SFMBT2: variants seen among roughly 807,000 people sequenced by gnomAD.
SFMBT2 encodes Scm like with four mbt domains 2.
A neutral mutation model predicts 110.1 loss-of-function variants in SFMBT2; 38 were observed. That is an observed-to-expected ratio of 0.35 (90% CI 0.27 to 0.45). The LOEUF is 0.45. SFMBT2 is among the 20% of genes least tolerant of loss of function. SFMBT2 has a pLI of 1.00. For missense variants in SFMBT2, 1,011 were observed against 1,094.9 expected (o/e 0.92, Z 1.08); for synonymous variants, 425 against 425.4 (o/e 1.00, Z 0.01).
intron 6 of SFMBT2, among the ~76,000 whole-genome samples, chr10:7,279,054 T>C (rs1478911775): frequency 6.6e-6 from 1 of 151,400 alleles, no homozygotes; most frequent in African/African-American, 2.4e-5. Context: ...TGAGCTGAGA[T>C]TGTGCCACTG....
At chr10:7,314,618 C>G (rs952205808) in intron 4 of SFMBT2, among the ~76,000 whole-genome samples, 1 of 152,118 alleles carries the variant, frequency 6.6e-6, no homozygotes, top group Admixed American at 6.6e-5. Context: ...GCATAAAAAA[C>G]CAGACCCGGC....
intron 11 of SFMBT2, among the ~76,000 whole-genome samples, chr10:7,213,413 G>A (rs895189915): frequency 1.3e-5 from 2 of 152,136 alleles, no homozygotes; most frequent in African/African-American, 4.8e-5. Context: ...GTGCAATGTG[G>A]GGGCCAGAAG....
At chr10:7,271,291 C>CAAAA (rs56364927) in intron 7 of SFMBT2, among the ~76,000 whole-genome samples, 8,137 of 93,096 alleles carry the variant, frequency 0.087, 242 homozygotes, top group Non-Finnish European at 0.12. Flanking sequence ...AGATTGCCTC[C>CAAAA]AAAAAAAAAA....
intron 4 of SFMBT2, among the ~76,000 whole-genome samples, chr10:7,343,032 C>A (rs927687004): frequency 2.6e-5 from 4 of 152,166 alleles, no homozygotes; most frequent in African/African-American, 9.7e-5. Flanking sequence ...TCCTTACTTT[C>A]TTTCCACCAT....
At chr10:7,389,757 G>A (rs1564471667) in intron 1 of SFMBT2, among the ~76,000 whole-genome samples, 1 of 152,204 alleles carries the variant, frequency 6.6e-6, no homozygotes, top group Non-Finnish European at 1.5e-5. Context: ...AAAGCTTGAT[G>A]AGATGCAATC....
chr10:7,241,223 A>G (rs1199091488), intron 9 of SFMBT2: 1 of 604,274 alleles, frequency 1.7e-6, no homozygotes, highest in Non-Finnish European at 2.1e-6. Flanking sequence ...CTGTAAGTCC[A>G]TTAAACCCCT....
intron 4 of SFMBT2, among the ~76,000 whole-genome samples, chr10:7,290,161 C>T (rs1373196011): frequency 1.3e-5 from 2 of 151,910 alleles, no homozygotes; most frequent in Admixed American, 1.3e-4. Flanking sequence ...GGGAGAAAAA[C>T]ACTCTGCAAT....
intron 16 of SFMBT2, among the ~76,000 whole-genome samples, chr10:7,176,812 T>C (rs1838072148): frequency 6.6e-6 from 1 of 152,044 alleles, no homozygotes; most frequent in Non-Finnish European, 1.5e-5. Context: ...GATTGGGACC[T>C]GGAAACCGAG....
At chr10:7,312,142 G>T (rs1842874964) in intron 4 of SFMBT2, among the ~76,000 whole-genome samples, 1 of 151,984 alleles carries the variant, frequency 6.6e-6, no homozygotes, top group African/African-American at 2.4e-5. Context: ...TGAGTTAATG[G>T]GTGCAGCACA....
In SFMBT2 at chr10:7,162,232, T is replaced by C. The variant is rs1216165299; in HGVS notation, c.*1538A>G. 1 of 152,226 alleles carries C rather than the reference T, an allele frequency of 6.6e-6. No homozygotes were observed. The highest frequency in any genetic ancestry group is 2.4e-5 in the African/African-American group (1 of 41,450). 9.4% of individuals were successfully genotyped at this position (152,226 alleles called of 1,614,324 possible). A position where few individuals can be genotyped will look rare whatever the true frequency, so the allele number is the denominator to read the frequency against. On this transcript the variant is annotated 3_prime_UTR_variant, in exon 21 of 21. Coordinates refer to ENST00000397167, the MANE Select transcript of SFMBT2 (RefSeq NM_001387889.1). Reference sequence around the variant, plus strand: ...TCAAAGCCAGAAAGAGCTGTAAGAATGGCCGAGTCAGAACTGGGACCAGAC... The same window carrying C: ...TCAAAGCCAGAAAGAGCTGTAAGAACGGCCGAGTCAGAACTGGGACCAGAC...
chr10:7,265,362 C>T (rs1375253418), intron 7 of SFMBT2, among the ~76,000 whole-genome samples: 2 of 152,008 alleles, frequency 1.3e-5, no homozygotes, highest in African/African-American at 2.4e-5. Flanking sequence ...CCACCACGCC[C>T]GACTAATTTT....
intron 2 of SFMBT2, among the ~76,000 whole-genome samples, chr10:7,381,341 A>G (rs1845415929): frequency 6.6e-6 from 1 of 152,156 alleles, no homozygotes; most frequent in Admixed American, 6.5e-5. Context: ...TTGGGAGGGA[A>G]TTCTTTTTCC....
rs745336542 is a variant in SFMBT2, at chr10:7,171,041, C to T, written c.2431G>A (p.Glu811Lys). Reference sequence around the variant, plus strand: ...CTCTCCAGAACCAGTCTCTCCTCCTCCTCCTGTTTCGTGTCCTGCAGAGAA... The same window carrying T: ...CTCTCCAGAACCAGTCTCTCCTCCTTCTCCTGTTTCGTGTCCTGCAGAGAA... ...PEGTEDTKQE[E>K]EERLVLESNP... Residue 811 changes from glutamate (E) to lysine (K), a missense_variant, in exon 20 of 21, where the codon GAG becomes AAG. Physicochemically the swap from Glu to Lys is moderately conservative, Grantham distance 56 (BLOSUM62 1). This residue lies in a region of SFMBT2 where 979 missense variants were observed against 1,016.1 expected (regional missense o/e 0.96). Coordinates refer to ENST00000397167, the MANE Select transcript of SFMBT2 (RefSeq NM_001387889.1). The surrounding 1 kb of genome is among the most constrained non-coding windows in gnomAD (Gnocchi z 4.9). The T allele has an allele frequency of 5.0e-6, 8 of 1,614,092 alleles. No homozygotes were observed. Among genetic ancestry groups the T allele is most frequent in the South Asian group, 1.1e-5 (1 of 91,094 alleles).
chr10:7,346,767 C>A (rs1023425248), intron 4 of SFMBT2, among the ~76,000 whole-genome samples: 1 of 145,884 alleles, frequency 6.9e-6, no homozygotes, highest in Admixed American at 7.0e-5. Flanking sequence ...GTCAAGAGTT[C>A]GAGACCAGCC....
chr10:7,190,849 G>A (rs1375596183), intron 15 of SFMBT2, among the ~76,000 whole-genome samples: 2 of 152,104 alleles, frequency 1.3e-5, no homozygotes, highest in Non-Finnish European at 2.9e-5. Flanking sequence ...ACCTTGAATT[G>A]TAGCTCCCAT....
intron 4 of SFMBT2, among the ~76,000 whole-genome samples, chr10:7,314,281 T>C (rs1842929529): frequency 6.6e-6 from 1 of 152,270 alleles, no homozygotes; most frequent in South Asian, 2.1e-4. Flanking sequence ...TTTTAGTTGT[T>C]TCCACTTGCT....
rs1726778480 is a variant in SFMBT2, at chr10:7,171,429, T to C, written c.2416-373A>G. The stretch of plus-strand genomic sequence containing the variant: ...ACAGTGTCCCCCAGTGTTTCTGTAA[T>C]GGTGGTGCCAGTGGCCCTTTCTGCT... On this transcript the variant is annotated intron_variant, in intron 19 of 20. Coordinates refer to ENST00000397167, the MANE Select transcript of SFMBT2 (RefSeq NM_001387889.1). The surrounding 1 kb of genome is among the most constrained non-coding windows in gnomAD (Gnocchi z 4.9). 1.0e-6 allele frequency: 1 copy of C among 985,464 alleles called. No individual in the cohort carries two copies. Among genetic ancestry groups the C allele is most frequent in the Non-Finnish European group, 1.2e-6 (1 of 829,938 alleles). The allele number at this position is 985,464 out of a possible 1,614,324, so 61.0% of individuals were successfully genotyped here. A position where few individuals can be genotyped will look rare whatever the true frequency, so the allele number is the denominator to read the frequency against.
At chr10:7,202,992 C>T (rs1588798548) in intron 12 of SFMBT2, 3 of 985,358 alleles carry the variant, frequency 3.0e-6, no homozygotes, top group East Asian at 1.1e-4. Flanking sequence ...ACCAGTAGCT[C>T]GCAAATACGC....
intron 12 of SFMBT2, chr10:7,205,417 T>A: frequency 1.0e-6 from 1 of 985,284 alleles, no homozygotes; most frequent in Non-Finnish European, 1.2e-6. Context: ...AGAATGTCAG[T>A]ATATTATTGG....
Sources: allele counts gnomAD v4.1 joint callset (sites outside exome capture counted in the v4.1 genomes callset), GRCh38; gene constraint gnomAD v4.1.1; regional missense constraint gnomAD v4.1.1; non-coding constraint Gnocchi (gnomAD v3.1); transcripts MANE v1.5; gene names NCBI Gene and HGNC (gene_info 2026-07-23, HGNC 2026-07-21).